SORCS1: variants seen among roughly 807,000 people sequenced by gnomAD.
SORCS1 encodes sortilin related VPS10 domain containing receptor 1.
In SORCS1, 60 loss-of-function variants were observed where a neutral mutation model predicts 146.1. The observed-to-expected ratio is 0.41, with a 90% CI of 0.33 to 0.51. The LOEUF is 0.51. Among genes scored for constraint, SORCS1 ranks in the 20% least tolerant of loss-of-function variants. The pLI is 0.21. For missense variants in SORCS1, 1,352 were observed against 1,487.6 expected (o/e 0.91, Z 1.50); for synonymous variants, 637 against 584.0 (o/e 1.09, Z -1.31).
chr10:106,882,149 A>G (rs1414294907), intron 2 of SORCS1, among the ~76,000 whole-genome samples: 1 of 152,204 alleles, frequency 6.6e-6, no homozygotes, highest in African/African-American at 2.4e-5. Flanking sequence ...GAATCTGAGC[A>G]TACTATTGGG....
In SORCS1 at chr10:106,776,642, T is replaced by G; in HGVS notation, c.777A>C (p.Ser259=). The G allele has an allele frequency of 6.2e-7, 1 of 1,614,114 alleles. No individual in the cohort carries two copies. The highest frequency in any genetic ancestry group is 8.5e-7 in the Non-Finnish European group (1 of 1,179,952). ...PEIESSLLIS[S]DEGATYQKYR... Reference sequence around the variant, plus strand: ...ACTTTTGATAAGTTGCCCCTTCATCTGAGCTGATCAATAAACTGCTCTCAA... The same window carrying G: ...ACTTTTGATAAGTTGCCCCTTCATCGGAGCTGATCAATAAACTGCTCTCAA... The change falls in exon 4 of 26, where the codon TCA becomes TCC. Residue 259 remains serine, a synonymous_variant. Transcript: ENST00000263054.
intron 1 of SORCS1, among the ~76,000 whole-genome samples, chr10:106,957,569 TAGA>T: frequency 6.6e-6 from 1 of 152,254 alleles, no homozygotes; most frequent in Middle Eastern, 3.4e-3. Flanking sequence ...AGCCATTAAA[TAGA>T]AGCCACATTG....
chr10:107,048,440 A>C (rs1208575099), intron 1 of SORCS1, among the ~76,000 whole-genome samples: 4 of 152,086 alleles, frequency 2.6e-5, no homozygotes, highest in African/African-American at 9.7e-5. Flanking sequence ...TTTATTTGTT[A>C]ATTTGTCTTT....
At chr10:106,754,581 C>T (rs561017300) in intron 5 of SORCS1, among the ~76,000 whole-genome samples, 3 of 152,168 alleles carry the variant, frequency 2.0e-5, no homozygotes, top group Non-Finnish European at 4.4e-5. Context: ...CAAGGCTTGG[C>T]ACACAGTAAA....
intron 1 of SORCS1, among the ~76,000 whole-genome samples, chr10:107,005,572 GA>G (rs1157980403): frequency 6.6e-6 from 1 of 151,934 alleles, no homozygotes; most frequent in Non-Finnish European, 1.5e-5. Flanking sequence ...TTTTCCATAT[GA>G]ATACCTACAT....
the SORCS1 span, among the ~76,000 whole-genome samples, chr10:107,180,175 C>A: frequency 1.3e-5 from 2 of 152,054 alleles, no homozygotes; most frequent in African/African-American, 4.8e-5. Context: ...CTTGGCCTCC[C>A]AAAGTGCTAG....
intron 5 of SORCS1, among the ~76,000 whole-genome samples, chr10:106,739,897 G>C (rs887398207): frequency 2.0e-5 from 3 of 150,890 alleles, no homozygotes; most frequent in African/African-American, 7.3e-5. Context: ...CTTGCAATGA[G>C]CTGAGATCAC....
chr10:107,166,023 A>G (rs1970041334), upstream of SORCS1, among the ~76,000 whole-genome samples: 1 of 152,230 alleles, frequency 6.6e-6, no homozygotes, highest in South Asian at 2.1e-4. Flanking sequence ...AATCCTTTTT[A>G]AAGTAGACAG....
intron 5 of SORCS1, among the ~76,000 whole-genome samples, chr10:106,749,939 G>A (rs1858026552): frequency 6.6e-6 from 1 of 152,112 alleles, no homozygotes; most frequent in Non-Finnish European, 1.5e-5. Flanking sequence ...CAGGATTCTG[G>A]CAAAGGTATT....
At chr10:106,881,076 C>CAAAAAA (rs59128024) in intron 2 of SORCS1, among the ~76,000 whole-genome samples, 6 of 69,144 alleles carry the variant, frequency 8.7e-5, no homozygotes, top group African/African-American at 1.2e-4. Context: ...GACTCTGTCT[C>CAAAAAA]AAAAAAAAAA....
At chr10:107,143,286 C>T (rs1967998028) in intron 1 of SORCS1, among the ~76,000 whole-genome samples, 1 of 152,132 alleles carries the variant, frequency 6.6e-6, no homozygotes, top group Non-Finnish European at 1.5e-5. Context: ...GATTATGTCA[C>T]TCCTTTATAC....
In SORCS1 at chr10:106,607,302, G is replaced by A; in HGVS notation, c.3034-5C>T. 1.9e-6 allele frequency: 3 copies of A among 1,613,808 alleles called. No individual in the cohort carries two copies. The highest frequency in any genetic ancestry group is 2.5e-6 in the Non-Finnish European group (3 of 1,179,878). On this transcript the variant is annotated splice_region_variant and splice_polypyrimidine_tract_variant and intron_variant, in intron 22 of 25. Transcript: ENST00000263054. ...CTGGCCTGGAACCCCTGTGGCCTGA[G>A]GGACAGACACAGGGGCTCACATTAG...
intron 1 of SORCS1, among the ~76,000 whole-genome samples, chr10:107,043,799 G>T (rs770494186): frequency 3.9e-5 from 6 of 152,218 alleles, no homozygotes; most frequent in Non-Finnish European, 8.8e-5. Context: ...CATGATTAAT[G>T]CCTGTCTACC....
intron 23 of SORCS1, among the ~76,000 whole-genome samples, chr10:106,605,741 A>G (rs1846529024): frequency 6.6e-6 from 1 of 152,186 alleles, no homozygotes; most frequent in East Asian, 1.9e-4. Context: ...CTTCACTAGG[A>G]AATGGGGTTC....
chr10:106,771,448 T>C (rs1222892654), intron 4 of SORCS1, among the ~76,000 whole-genome samples: 1 of 152,234 alleles, frequency 6.6e-6, no homozygotes, highest in Non-Finnish European at 1.5e-5. Context: ...GTTTCCTGTA[T>C]TGAGGCAAGA....
intron 2 of SORCS1, among the ~76,000 whole-genome samples, chr10:106,927,682 C>A (rs1222415179): frequency 6.6e-6 from 1 of 152,070 alleles, no homozygotes. Flanking sequence ...AGGTTCTCCA[C>A]GTCCCCACCA....
chr10:106,838,740 T>C (rs1429136694), intron 2 of SORCS1, among the ~76,000 whole-genome samples: 2 of 152,232 alleles, frequency 1.3e-5, no homozygotes, highest in South Asian at 2.1e-4. Flanking sequence ...AATTGGAATT[T>C]TGTGGCATCC....
At chr10:107,114,311 G>T (rs1415718250) in intron 1 of SORCS1, among the ~76,000 whole-genome samples, 4 of 152,080 alleles carry the variant, frequency 2.6e-5, no homozygotes, top group African/African-American at 7.2e-5. Flanking sequence ...GCCAGGTAAG[G>T]ATAATACCAG....
In SORCS1 at chr10:107,162,832, T is replaced by C. The variant is rs575445058; in HGVS notation, c.558+1137A>G. Among the ~76,000 whole-genome samples the C allele has an allele frequency of 2.6e-5, 4 of 152,366 alleles. No individual in the cohort carries two copies. In the South Asian group the frequency reaches 8.3e-4, roughly 32 times the overall value. On this transcript the variant is annotated intron_variant, in intron 1 of 25. Coordinates refer to ENST00000263054, the MANE Select transcript of SORCS1 (RefSeq NM_052918.5). ...TTGAAAGGTTCCAGACTGCGTAAAT[T>C]GTGCATATTACAAACACTACAATCT...
Sources: allele counts gnomAD v4.1 joint callset (sites outside exome capture counted in the v4.1 genomes callset), GRCh38; gene constraint gnomAD v4.1.1; transcripts MANE v1.5; gene names NCBI Gene and HGNC (gene_info 2026-07-23, HGNC 2026-07-21).